Variants in MYO3B observed in about 807,000 individuals in gnomAD.
MYO3B encodes the protein myosin-IIIb.
Under a neutral mutation model 174.6 loss-of-function variants are expected in MYO3B, and 156 were observed. That is an observed-to-expected ratio of 0.89 (90% CI 0.78 to 1.02). The LOEUF (loss-of-function observed/expected upper bound fraction) is 1.02, where lower values mean the gene tolerates loss of function less well. Ranked by LOEUF, MYO3B falls within the 50% of genes least tolerant of loss-of-function variation. MYO3B has a pLI of 0.00. For missense variants in MYO3B, 1,632 were observed against 1,639.4 expected, an observed-to-expected ratio of 1.00 and a Z score of 0.08; for synonymous variants, 563 against 569.1, an observed-to-expected ratio of 0.99 and a Z score of 0.15.
At chr2:170,610,582 T>A in intron 32 of MYO3B, among the ~76,000 whole-genome samples, 1 of 152,254 alleles carries the variant, frequency 6.6e-6, no homozygotes, top group South Asian at 2.1e-4. Flanking sequence ...TTCCCAGTTA[T>A]GGTAGCTTTC....
intron 7 of MYO3B, among the ~76,000 whole-genome samples, chr2:170,250,187 G>C (rs1157810037): frequency 6.6e-6 from 1 of 152,182 alleles, no homozygotes; most frequent in Non-Finnish European, 1.5e-5. Flanking sequence ...AGATCAGAAA[G>C]ATAAACCACT....
At chr2:170,333,970 A>G (rs2093929558) in intron 7 of MYO3B, 1 of 152,216 alleles carries the variant, frequency 6.6e-6, no homozygotes, top group South Asian at 2.1e-4. Flanking sequence ...AGTAAGGAAG[A>G]TTAGGGGGAA....
At chr2:170,296,949 T>G (rs2093632667) in intron 7 of MYO3B, among the ~76,000 whole-genome samples, 1 of 152,160 alleles carries the variant, frequency 6.6e-6, no homozygotes, top group Admixed American at 6.5e-5. Flanking sequence ...AGGAGGTTGG[T>G]GTTAAGCCAT....
At chr2:170,326,016 A>G (rs1171683329) in intron 7 of MYO3B, among the ~76,000 whole-genome samples, 1 of 152,196 alleles carries the variant, frequency 6.6e-6, no homozygotes, top group African/African-American at 2.4e-5. Flanking sequence ...CTCTTTTAAA[A>G]TAACTTGCCA....
At chr2:170,627,972 CTCCCAGTTAGGCTA>C (rs1424046415) in intron 32 of MYO3B, among the ~76,000 whole-genome samples, 1 of 152,216 alleles carries the variant, frequency 6.6e-6, no homozygotes, top group Non-Finnish European at 1.5e-5. Context: ...TGGGGGGTGC[CTCCCAGTTAGGCTA>C]CTCGGGGGTC....
chr2:170,626,337 T>G (rs1439381267), intron 32 of MYO3B, among the ~76,000 whole-genome samples: 1 of 152,224 alleles, frequency 6.6e-6, no homozygotes, highest in East Asian at 1.9e-4. Context: ...TTGATCTTTG[T>G]TGGTTTAAAG....
At chr2:170,306,124 C>T (rs1032329640) in intron 7 of MYO3B, among the ~76,000 whole-genome samples, 3 of 152,142 alleles carry the variant, frequency 2.0e-5, no homozygotes, top group Admixed American at 1.3e-4. Context: ...AAGCTGGATC[C>T]CGCTTCCTAT....
intron 23 of MYO3B, among the ~76,000 whole-genome samples, chr2:170,459,708 C>T (rs956206716): frequency 1.4e-4 from 22 of 152,172 alleles, no homozygotes; most frequent in South Asian, 8.3e-4. Flanking sequence ...GCTCAAGGCT[C>T]GGGCCGCATG....
chr2:170,648,725 A>ATATTCTATAT (rs1559199981), intron 32 of MYO3B, among the ~76,000 whole-genome samples: 174 of 29,196 alleles, frequency 6.0e-3, no homozygotes, highest in Non-Finnish European at 0.012. Flanking sequence ...ATAATATGTA[A>ATATTCTATAT]AATATATATT....
intron 32 of MYO3B, among the ~76,000 whole-genome samples, chr2:170,547,105 G>A (rs1489307244): frequency 2.6e-5 from 4 of 150,996 alleles, no homozygotes; most frequent in Admixed American, 1.3e-4. Context: ...AGATCACGAG[G>A]TCAGGAGATG....
At position 170,196,931 on chromosome 2, in the gene MYO3B, C is replaced by T. The variant is rs188286129; in HGVS notation, c.3-2277C>T. 1.9e-3 allele frequency among the ~76,000 whole-genome samples: 288 copies of T among 152,160 alleles called. 3 individuals carry two copies. The highest frequency in any genetic ancestry group is 0.01 in the South Asian group (49 of 4,818). ...GATTGGTAGCCATTGTTTCAGAGGT[C>T]ACAAGACATGCAACTTCCCCAATTA... On this transcript the variant is annotated intron_variant, in intron 1 of 34. Transcript: ENST00000408978.
At chr2:170,411,361 A>C (rs144206743) in intron 22 of MYO3B, among the ~76,000 whole-genome samples, 1 of 152,374 alleles carries the variant, frequency 6.6e-6, no homozygotes, top group East Asian at 1.9e-4. Context: ...TCTACTATAC[A>C]TCTAGGCTAT....
At chr2:170,328,907 G>C (rs925787067) in intron 7 of MYO3B, among the ~76,000 whole-genome samples, 4 of 152,140 alleles carry the variant, frequency 2.6e-5, no homozygotes, top group African/African-American at 9.7e-5. Context: ...GCTCATGCCT[G>C]TAATCCCAGC....
At chr2:170,427,023 A>AT (rs963764341) in intron 22 of MYO3B, among the ~76,000 whole-genome samples, 3 of 152,096 alleles carry the variant, frequency 2.0e-5, no homozygotes, top group Admixed American at 6.6e-5. Context: ...GTCTCAAAAA[A>AT]AAAAAGAAAA....
intron 1 of MYO3B, among the ~76,000 whole-genome samples, chr2:170,188,669 A>G (rs750289604): frequency 1.3e-5 from 2 of 152,152 alleles, no homozygotes; most frequent in South Asian, 4.1e-4. Context: ...TGCAAATAAT[A>G]GCTTATAATC....
intron 8 of MYO3B, among the ~76,000 whole-genome samples, chr2:170,361,501 C>T (rs886547447): frequency 3.3e-5 from 5 of 152,236 alleles, no homozygotes; most frequent in African/African-American, 4.8e-5. Context: ...TTGGCTGCCA[C>T]TGTGTCCAGC....
chr2:170,501,948 A>C, intron 28 of MYO3B, 83 bp downstream of exon 28: 1 of 982,150 alleles, frequency 1.0e-6, no homozygotes, highest in Non-Finnish European at 1.6e-6. Flanking sequence ...CTGAAAGGTT[A>C]ATAATTCAGG....
At chr2:170,517,469 CTT>C (rs1176202016) in intron 29 of MYO3B, among the ~76,000 whole-genome samples, 1 of 151,896 alleles carries the variant, frequency 6.6e-6, no homozygotes, top group African/African-American at 2.4e-5. Flanking sequence ...TTCTAGATCT[CTT>C]TGTGCTATTT....
chr2:170,371,237 A>C (rs903528127), intron 9 of MYO3B, among the ~76,000 whole-genome samples: 213 of 151,674 alleles, frequency 1.4e-3, no homozygotes, highest in African/African-American at 4.2e-3. Context: ...AAAAAAAAAA[A>C]AAACCAAAAC....
Sources: allele counts gnomAD v4.1 joint callset (sites outside exome capture counted in the v4.1 genomes callset), GRCh38; gene constraint gnomAD v4.1.1; transcripts MANE v1.5; gene names NCBI Gene and HGNC (gene_info 2026-07-23, HGNC 2026-07-21).